The following CDH12 variants were observed in gnomAD, a reference collection of about 807,000 sequenced individuals.
The protein encoded by CDH12 is cadherin 12.
Under a neutral mutation model 74.1 loss-of-function variants are expected in CDH12, and 41 were observed. That is an observed-to-expected ratio of 0.55 (90% CI 0.43 to 0.72). The LOEUF (loss-of-function observed/expected upper bound fraction) is 0.72, where lower values mean the gene tolerates loss of function less well. CDH12 is among the 30% of genes least tolerant of loss of function. The probability of loss-of-function intolerance (pLI) is 0.00; values close to 1 mark genes in which losing one functional copy is unlikely to be tolerated. For missense variants in CDH12, 945 were observed against 977.2 expected, an observed-to-expected ratio of 0.97 and a Z score of 0.44; for synonymous variants, 399 against 355.0, an observed-to-expected ratio of 1.12 and a Z score of -1.39.
intron 1 of CDH12, among the ~76,000 whole-genome samples, chr5:22,763,325 A>G (rs892782675): frequency 4.6e-5 from 7 of 152,012 alleles, no homozygotes; most frequent in Non-Finnish European, 8.8e-5. Flanking sequence ...AACAAAATTG[A>G]TCAGAAACTA....
intron 1 of CDH12, among the ~76,000 whole-genome samples, chr5:22,666,075 A>C (rs1461174272): frequency 1.3e-5 from 2 of 152,124 alleles, no homozygotes; most frequent in African/African-American, 4.8e-5. Context: ...CATCTCAAGA[A>C]TAACCCCATA....
chr5:22,774,282 A>C (rs1335717306), intron 1 of CDH12, among the ~76,000 whole-genome samples: 1 of 152,188 alleles, frequency 6.6e-6, no homozygotes, highest in South Asian at 2.1e-4. Context: ...AAACCATGGA[A>C]TACTATGCAG....
chr5:21,868,503 G>A (rs1380987648), intron 6 of CDH12, among the ~76,000 whole-genome samples: 1 of 152,174 alleles, frequency 6.6e-6, no homozygotes, highest in Non-Finnish European at 1.5e-5. Context: ...TAGGAGTGTA[G>A]CTTTCTGAGG....
rs2150411093 is a variant in CDH12 at position 22,287,669 on chromosome 5, G to A, written c.-332-75026C>T. On this transcript the variant is annotated intron_variant, in intron 3 of 14. Coordinates refer to ENST00000382254, the MANE Select transcript of CDH12 (RefSeq NM_004061.5). ...ACCTGGGAGGCGGAGCTTGCAGTGA[G>A]CCGAGATTGCGCCACTGCAATCCTG... 1.4e-5 allele frequency among the ~76,000 whole-genome samples: 2 copies of A among 146,880 alleles called. 1 individual carries two copies. Among genetic ancestry groups the A allele is most frequent in the South Asian group, 4.3e-4 (2 of 4,704 alleles).
intron 4 of CDH12, among the ~76,000 whole-genome samples, chr5:22,176,681 G>T (rs1465591628): frequency 6.6e-6 from 1 of 151,984 alleles, no homozygotes; most frequent in African/African-American, 2.4e-5. Flanking sequence ...ACCCTATCTT[G>T]TCTCTCTGCT....
intron 1 of CDH12, among the ~76,000 whole-genome samples, chr5:22,587,785 T>C (rs1042346724): frequency 1.3e-5 from 2 of 151,946 alleles, no homozygotes; most frequent in African/African-American, 2.4e-5. Context: ...ACATTACTTT[T>C]CTATGAATCA....
chr5:22,055,793 A>C (rs1580177626), intron 5 of CDH12, among the ~76,000 whole-genome samples: 2 of 152,138 alleles, frequency 1.3e-5, no homozygotes, highest in East Asian at 3.9e-4. Flanking sequence ...CCAAATAATA[A>C]AAATTAAGTA....
intron 1 of CDH12, among the ~76,000 whole-genome samples, chr5:22,823,452 A>G (rs1749832375): frequency 6.6e-6 from 1 of 151,910 alleles, no homozygotes; most frequent in Admixed American, 6.6e-5. Flanking sequence ...CTCATGTAAG[A>G]CCTCACTTGC....
chr5:22,067,108 T>A (rs897986879), intron 5 of CDH12, among the ~76,000 whole-genome samples: 1 of 152,212 alleles, frequency 6.6e-6, no homozygotes, highest in Admixed American at 6.5e-5. Flanking sequence ...TATGCCATAA[T>A]TCATTTCACA....
At chr5:22,312,452 C>T (rs533753359) in intron 3 of CDH12, among the ~76,000 whole-genome samples, 8 of 152,148 alleles carry the variant, frequency 5.3e-5, no homozygotes, top group African/African-American at 1.9e-4. Flanking sequence ...TGTATTCATT[C>T]ATTATTCATT....
At chr5:22,773,313 C>T (rs1746910983) in intron 1 of CDH12, among the ~76,000 whole-genome samples, 1 of 151,952 alleles carries the variant, frequency 6.6e-6, no homozygotes, top group Admixed American at 6.6e-5. Context: ...GACACATAGA[C>T]CAATGGAACA....
At chr5:22,496,686 C>T (rs1161326622) in intron 2 of CDH12, among the ~76,000 whole-genome samples, 1 of 152,138 alleles carries the variant, frequency 6.6e-6, no homozygotes, top group Non-Finnish European at 1.5e-5. Context: ...CGTTGTGATT[C>T]CAATCATCTG....
intron 6 of CDH12, among the ~76,000 whole-genome samples, chr5:21,949,996 C>T (rs1755777615): frequency 2.6e-5 from 4 of 152,188 alleles, no homozygotes; most frequent in Admixed American, 2.6e-4. Context: ...CACTAACTCT[C>T]CCAGAGCAAC....
chr5:22,271,251 C>A (rs1349890535), intron 3 of CDH12, among the ~76,000 whole-genome samples: 1 of 152,164 alleles, frequency 6.6e-6, no homozygotes, highest in Non-Finnish European at 1.5e-5. Flanking sequence ...GGAGTAGATT[C>A]TAGCTCAAGA....
intron 3 of CDH12, among the ~76,000 whole-genome samples, chr5:22,296,368 T>C (rs2150416538): frequency 6.6e-6 from 1 of 152,182 alleles, no homozygotes; most frequent in Middle Eastern, 3.4e-3. Flanking sequence ...ACTAATTATA[T>C]GCTAATATAT....
chr5:22,847,510 C>A (rs1218013181), intron 1 of CDH12, among the ~76,000 whole-genome samples: 1 of 152,106 alleles, frequency 6.6e-6, no homozygotes, highest in African/African-American at 2.4e-5. Flanking sequence ...GATGATAGCA[C>A]CCCAAAATAT....
chr5:21,873,488 C>A (rs1579877324), intron 6 of CDH12, among the ~76,000 whole-genome samples: 1 of 152,142 alleles, frequency 6.6e-6, no homozygotes, highest in African/African-American at 2.4e-5. Context: ...ACAAGATTGT[C>A]ACAGACCAGA....
chr5:21,790,612 AAAT>A (rs1466524774), intron 10 of CDH12, among the ~76,000 whole-genome samples: 1 of 152,084 alleles, frequency 6.6e-6, no homozygotes, highest in Non-Finnish European at 1.5e-5. Context: ...AAAATTTGGA[AAAT>A]AATACCTCCC....
At chr5:21,804,461 C>G (rs1747314012) in intron 9 of CDH12, among the ~76,000 whole-genome samples, 1 of 151,896 alleles carries the variant, frequency 6.6e-6, no homozygotes, top group Admixed American at 6.6e-5. Flanking sequence ...CAATTACTGC[C>G]AAGGCAAGGA....
Sources: allele counts gnomAD v4.1 joint callset (sites outside exome capture counted in the v4.1 genomes callset), GRCh38; gene constraint gnomAD v4.1.1; transcripts MANE v1.5; gene names NCBI Gene and HGNC (gene_info 2026-07-23, HGNC 2026-07-21).